PPFIA2: variants seen among roughly 807,000 people sequenced by gnomAD.
PPFIA2 encodes liprin-alpha-2.
In PPFIA2, 46 loss-of-function variants were observed where a neutral mutation model predicts 175.5. The ratio of observed to expected loss-of-function variants is 0.26; its 90% CI spans 0.21 to 0.34. The LOEUF (loss-of-function observed/expected upper bound fraction) is 0.34. PPFIA2 is among the 10% of genes least tolerant of loss of function. The pLI, the probability that PPFIA2 is intolerant of heterozygous loss-of-function variation, is 1.00. For synonymous variants in PPFIA2, 568 were observed against 511.4 expected (o/e 1.11, Z -1.49); for missense variants, 1,179 against 1,506.1 (o/e 0.78, Z 3.60).
In PPFIA2 at chr12:81,687,126, G is replaced by A. The variant is rs578125691; in HGVS notation, c.250-10282C>T. Among the ~76,000 whole-genome samples the A allele has an allele frequency of 2.6e-5, 4 of 152,044 alleles. No homozygotes were observed. In the South Asian group the frequency reaches 6.2e-4, roughly 24 times the overall value. Reference sequence around the variant, plus strand: ...CTAAGGTTGGAGAACCACTACCCCAGAGTGATGTATTTTAAATGCAAATAT... The same window carrying A: ...CTAAGGTTGGAGAACCACTACCCCAAAGTGATGTATTTTAAATGCAAATAT... On this transcript the variant is annotated intron_variant, in intron 3 of 32. Transcript: ENST00000549396.
intron 3 of PPFIA2, among the ~76,000 whole-genome samples, chr12:81,747,472 T>C (rs1294446709): frequency 6.9e-6 from 1 of 144,182 alleles, no homozygotes; most frequent in Non-Finnish European, 1.6e-5. Flanking sequence ...TCTCAATTTG[T>C]GCTAGTGTTC....
Position 81,379,406 on chromosome 12 carries a change from A to G in PPFIA2, c.985-3464T>C, listed in dbSNP as rs78562672. On this transcript the variant is annotated intron_variant, in intron 9 of 32. Coordinates refer to ENST00000549396, the MANE Select transcript of PPFIA2 (RefSeq NM_003625.5). ...AACTACATGTTTCAGATAACAGAAA[A>G]GGCAACACTGAGATGTATTTAATTC... Among the ~76,000 whole-genome samples the G allele has an allele frequency of 2.8e-3, 422 of 152,284 alleles. 3 individuals are homozygous for G. The highest frequency in any genetic ancestry group is 0.019 in the South Asian group (91 of 4,830).
chr12:81,363,541 C>G (rs1357490665), intron 14 of PPFIA2, among the ~76,000 whole-genome samples: 2 of 151,584 alleles, frequency 1.3e-5, no homozygotes, highest in African/African-American at 4.8e-5. Context: ...TATTGTTTTA[C>G]AGGTCTAAAT....
chr12:81,375,571 A>G (rs2036174208), intron 10 of PPFIA2, among the ~76,000 whole-genome samples: 2 of 152,186 alleles, frequency 1.3e-5, no homozygotes, highest in South Asian at 4.1e-4. Flanking sequence ...GCCTATATGA[A>G]AAGTAAATCA....
chr12:81,382,934 TAGAAGC>T (rs1425682340), intron 9 of PPFIA2, among the ~76,000 whole-genome samples: 1 of 151,790 alleles, frequency 6.6e-6, no homozygotes, highest in Non-Finnish European at 1.5e-5. Context: ...GGAGGAGAAA[TAGAAGC>T]AGTAAAGGAG....
intron 3 of PPFIA2, among the ~76,000 whole-genome samples, chr12:81,732,775 T>C (rs1314716059): frequency 6.6e-6 from 1 of 151,578 alleles, no homozygotes; most frequent in Non-Finnish European, 1.5e-5. Flanking sequence ...GAATAGCATC[T>C]TTCTCTTAGT....
At position 81,526,123 on chromosome 12, in the gene PPFIA2, T is replaced by G. The variant is rs1404167799; in HGVS notation, c.304-68257A>C. Among the ~76,000 whole-genome samples the G allele has an allele frequency of 3.9e-5, 6 of 152,316 alleles. No homozygotes were observed. The South Asian group carries it at 1.2e-3, about 32-fold the overall frequency. ...GCCTTTTACATGCACCCCTGTAGTT[T>G]AAGGAAAGCCAATTAATCTCCTACC... On this transcript the variant is annotated intron_variant, in intron 4 of 32. Coordinates refer to ENST00000549396, the MANE Select transcript of PPFIA2 (RefSeq NM_003625.5).
chr12:81,288,310 A>AT (rs2044009871), intron 24 of PPFIA2, among the ~76,000 whole-genome samples: 1 of 151,796 alleles, frequency 6.6e-6, no homozygotes, highest in Non-Finnish European at 1.5e-5. Flanking sequence ...TTAAGGAAAC[A>AT]TTCACTTTCA....
intron 22 of PPFIA2, among the ~76,000 whole-genome samples, chr12:81,322,144 T>C (rs918972935): frequency 6.6e-6 from 1 of 152,144 alleles, no homozygotes; most frequent in Non-Finnish European, 1.5e-5. Flanking sequence ...GCCTGTGTGG[T>C]TGGCTTTAAT....
At chr12:81,607,839 G>A (rs1386637184) in intron 4 of PPFIA2, among the ~76,000 whole-genome samples, 1 of 151,988 alleles carries the variant, frequency 6.6e-6, no homozygotes, top group South Asian at 2.1e-4. Context: ...TGTCAAATAG[G>A]CGTGGTGAGA....
intron 7 of PPFIA2, among the ~76,000 whole-genome samples, chr12:81,415,849 T>C (rs750911163): frequency 6.6e-6 from 1 of 151,506 alleles, no homozygotes; most frequent in East Asian, 1.9e-4. Context: ...TATTAACATG[T>C]AATTCTAATG....
chr12:81,755,556 T>C (rs1597258351), intron 2 of PPFIA2, among the ~76,000 whole-genome samples: 1 of 152,328 alleles, frequency 6.6e-6, no homozygotes, highest in Middle Eastern at 3.4e-3. Context: ...AATTACTTTT[T>C]ATGTGAGTCT....
chr12:81,272,273 T>C (rs912650620), intron 28 of PPFIA2, among the ~76,000 whole-genome samples: 1 of 152,172 alleles, frequency 6.6e-6, no homozygotes, highest in Non-Finnish European at 1.5e-5. Flanking sequence ...TCATTTCAAT[T>C]ATTTTCTTTT....
intron 29 of PPFIA2, 145 bp from the exon 30 acceptor site, chr12:81,267,165 C>A: frequency 1.5e-6 from 1 of 653,900 alleles, no homozygotes; most frequent in Non-Finnish European, 2.7e-6. Flanking sequence ...CTGTTATTAG[C>A]CATTGTAAAT....
At chr12:81,376,414 G>A (rs1198949944) in intron 9 of PPFIA2, among the ~76,000 whole-genome samples, 2 of 136,144 alleles carry the variant, frequency 1.5e-5, no homozygotes, top group African/African-American at 6.4e-5. Context: ...TAAAAGGCCA[G>A]GCCAAAAAAA....
Position 81,458,439 on chromosome 12 carries a change from C to T in PPFIA2, c.304-573G>A, listed in dbSNP as rs1399228529. Among the ~76,000 whole-genome samples the T allele has an allele frequency of 2.6e-5, 4 of 151,542 alleles. No homozygotes were observed. In the East Asian group the frequency reaches 5.8e-4, roughly 22 times the overall value. Reference sequence around the variant, plus strand: ...TTAATTTGCGTATTGCTCAGTCTTTCTAAAAGGTAAGCTCCATGTGGACAG... The same window carrying T: ...TTAATTTGCGTATTGCTCAGTCTTTTTAAAAGGTAAGCTCCATGTGGACAG... On this transcript the variant is annotated intron_variant, in intron 4 of 32. Coordinates refer to ENST00000549396, the MANE Select transcript of PPFIA2 (RefSeq NM_003625.5).
chr12:81,430,270 T>A (rs1478159863), intron 7 of PPFIA2: 1 of 152,134 alleles, frequency 6.6e-6, no homozygotes, highest in Non-Finnish European at 1.5e-5. Flanking sequence ...CACTCAATAC[T>A]GTCTGGAATC....
chr12:81,373,504 T>G (rs2035670592), intron 11 of PPFIA2, among the ~76,000 whole-genome samples: 1 of 152,010 alleles, frequency 6.6e-6, no homozygotes, highest in Non-Finnish European at 1.5e-5. Context: ...CTGGCATGGT[T>G]TGTGACTACA....
chr12:81,465,476 T>C (rs1469493884), intron 4 of PPFIA2, among the ~76,000 whole-genome samples: 2 of 152,144 alleles, frequency 1.3e-5, no homozygotes, highest in African/African-American at 4.8e-5. Flanking sequence ...GCATTTCAAT[T>C]AGACAAAATT....
Sources: gnomAD v4.1 joint callset for allele counts (sites outside exome capture counted in the v4.1 genomes callset) on GRCh38, gnomAD v4.1.1 for gene constraint, MANE v1.5 for transcripts, NCBI Gene and HGNC (gene_info 2026-07-23, HGNC 2026-07-21) for gene names.